The following SNX3 variants were observed in gnomAD, a reference collection of about 807,000 sequenced individuals.
SNX3 encodes sorting nexin 3.
A neutral mutation model predicts 17.7 loss-of-function variants in SNX3; 5 were observed. The observed-to-expected ratio is 0.28, with a 90% confidence interval of 0.15 to 0.59. The LOEUF (loss-of-function observed/expected upper bound fraction) is 0.59, where lower values mean the gene tolerates loss of function less well. Among genes scored for constraint, SNX3 ranks in the 20% least tolerant of loss-of-function variants. The probability of loss-of-function intolerance (pLI) is 0.88; values close to 1 mark genes in which losing one functional copy is unlikely to be tolerated. For synonymous variants in SNX3, 91 were observed against 76.5 expected, an observed-to-expected ratio of 1.19 and a Z score of -0.99; for missense variants, 132 against 206.8, an observed-to-expected ratio of 0.64 and a Z score of 2.22.
intron 1 of SNX3, among the ~76,000 whole-genome samples, chr6:108,238,310 A>AT (rs1205801056): frequency 6.6e-6 from 1 of 152,152 alleles, no homozygotes; most frequent in Non-Finnish European, 1.5e-5. Context: ...AATTAAAGAG[A>AT]TGGAATACCA....
At chr6:108,236,528 C>T (rs905636253) in intron 1 of SNX3, among the ~76,000 whole-genome samples, 12 of 150,476 alleles carry the variant, frequency 8.0e-5, no homozygotes, top group South Asian at 4.2e-4. Flanking sequence ...GGACTACAGG[C>T]GCCCGCCACT....
chr6:108,222,183 T>C (rs1281342155), intron 2 of SNX3: 63 of 1,297,788 alleles, frequency 4.9e-5, no homozygotes, highest in Non-Finnish European at 6.2e-5. Flanking sequence ...GAGTACAGAC[T>C]AGCCTTCATC....
At chr6:108,222,590 T>C (rs1478958420) in intron 2 of SNX3, among the ~76,000 whole-genome samples, 1 of 151,486 alleles carries the variant, frequency 6.6e-6, no homozygotes, top group Non-Finnish European at 1.5e-5. Flanking sequence ...TAAAACAAAA[T>C]TGGAAATACA....
chr6:108,216,306 T>A (rs1774576059), intron 2 of SNX3, among the ~76,000 whole-genome samples: 1 of 152,196 alleles, frequency 6.6e-6, no homozygotes, highest in Admixed American at 6.5e-5. Context: ...CATTCTTTTC[T>A]TTAGCAGCAT....
chr6:108,214,401 G>T, intron 3 of SNX3, 97 bp downstream of exon 3: 1 of 1,186,790 alleles, frequency 8.4e-7, no homozygotes, highest in Non-Finnish European at 1.2e-6. Flanking sequence ...TTAGGAAATG[G>T]CTGAAAGAAA....
chr6:108,241,093 G>A (rs936051359), intron 1 of SNX3, among the ~76,000 whole-genome samples: 10 of 129,188 alleles, frequency 7.7e-5, no homozygotes, highest in East Asian at 2.6e-4. Context: ...AGTGAACCAC[G>A]ATTGCGCGCC....
intron 1 of SNX3, among the ~76,000 whole-genome samples, chr6:108,243,644 T>A (rs916202210): frequency 6.6e-6 from 1 of 152,130 alleles, no homozygotes; most frequent in Non-Finnish European, 1.5e-5. Context: ...GAAATCCACA[T>A]GAAGAGCCAG....
intron 2 of SNX3, among the ~76,000 whole-genome samples, chr6:108,218,049 T>G (rs930748743): frequency 6.6e-6 from 1 of 152,214 alleles, no homozygotes; most frequent in African/African-American, 2.4e-5. Context: ...TATATTTAAC[T>G]GGTCTAATGT....
intron 2 of SNX3, among the ~76,000 whole-genome samples, chr6:108,214,891 G>C (rs900386792): frequency 2.0e-5 from 3 of 152,198 alleles, no homozygotes; most frequent in Non-Finnish European, 4.4e-5. Flanking sequence ...GGTATACAAA[G>C]AGAACACTCA....
intron 1 of SNX3, among the ~76,000 whole-genome samples, chr6:108,254,836 T>C (rs1167176677): frequency 1.3e-5 from 2 of 152,184 alleles, no homozygotes; most frequent in African/African-American, 2.4e-5. Flanking sequence ...GATGAGGCTC[T>C]TAAAGGAAGC....
chr6:108,255,027 T>C (rs906593092), intron 1 of SNX3, among the ~76,000 whole-genome samples: 3 of 152,228 alleles, frequency 2.0e-5, no homozygotes, highest in African/African-American at 7.2e-5. Context: ...GATTAAATTT[T>C]ATAGATAGAG....
At chr6:108,258,736 T>TAGA (rs1429476172) in intron 1 of SNX3, among the ~76,000 whole-genome samples, 3 of 151,882 alleles carry the variant, frequency 2.0e-5, no homozygotes, top group African/African-American at 7.3e-5. Context: ...CTCAAACTTC[T>TAGA]GAGCTCAAGG....
rs567338342 is a variant in SNX3, at chr6:108,214,557, T to C, written c.324A>G (p.Gly108=). ...CCTCAATAAAATTGTCATCAAATAT[T>C]CCATCATCTCCTCTAAAAGGAAGCT... ...LRQLPFRGDD[G]IFDDNFIEER... Residue 108 remains glycine, a synonymous_variant, in exon 3 of 4, where the codon GGA becomes GGG. Coordinates refer to ENST00000230085, the MANE Select transcript of SNX3 (RefSeq NM_003795.6). 38 of 1,613,746 alleles carry C rather than the reference T, an allele frequency of 2.4e-5. No homozygotes were observed. The South Asian group carries it at 4.0e-4, about 17-fold the overall frequency.
intron 3 of SNX3, among the ~76,000 whole-genome samples, chr6:108,212,641 A>C (rs1209784589): frequency 6.6e-6 from 1 of 152,100 alleles, no homozygotes; most frequent in Non-Finnish European, 1.5e-5. Flanking sequence ...CCCGGCTCAG[A>C]ATCATGTACA....
chr6:108,232,613 T>G (rs1775203317), intron 1 of SNX3, among the ~76,000 whole-genome samples: 1 of 152,222 alleles, frequency 6.6e-6, no homozygotes, highest in Non-Finnish European at 1.5e-5. Context: ...GTTTCTAGTA[T>G]TTCTTCAGAT....
intron 1 of SNX3, among the ~76,000 whole-genome samples, chr6:108,225,892 G>C (rs1774959195): frequency 6.6e-6 from 1 of 151,736 alleles, no homozygotes; most frequent in South Asian, 2.1e-4. Context: ...AATTTACTGG[G>C]TATGGTGGCA....
intron 1 of SNX3, among the ~76,000 whole-genome samples, chr6:108,238,222 T>C (rs1775410528): frequency 6.6e-6 from 1 of 151,904 alleles, no homozygotes; most frequent in Non-Finnish European, 1.5e-5. Context: ...GCTGATTTTA[T>C]GACACAGTTA....
chr6:108,243,248 G>C (rs1484836575), intron 1 of SNX3, among the ~76,000 whole-genome samples: 3 of 151,792 alleles, frequency 2.0e-5, no homozygotes, highest in Non-Finnish European at 1.5e-5. Context: ...TGAGACTATA[G>C]GCACAAACCA....
At position 108,223,267 on chromosome 6, in the gene SNX3, T is replaced by C. The variant is rs139713723; in HGVS notation, c.163-222A>G. Among the ~76,000 whole-genome samples, 284 of 152,174 alleles carry C rather than the reference T, an allele frequency of 1.9e-3. 2 individuals are homozygous for C. Among genetic ancestry groups the C allele is most frequent in the African/African-American group, 6.6e-3 (274 of 41,518 alleles). On this transcript the variant is annotated intron_variant, in intron 1 of 3. Coordinates refer to ENST00000230085, the MANE Select transcript of SNX3 (RefSeq NM_003795.6). ...GATTTTTCCGCCTCAGCCTCCCAAG[T>C]AGCTGGGATTACAGGCACCCACCAT... is the stretch of plus-strand genomic sequence containing the variant.
Sources: gnomAD v4.1 joint callset for allele counts (sites outside exome capture counted in the v4.1 genomes callset) on GRCh38, gnomAD v4.1.1 for gene constraint, MANE v1.5 for transcripts, NCBI Gene and HGNC (gene_info 2026-07-23, HGNC 2026-07-21) for gene names.